Variants in COL5A1 observed in about 807,000 individuals in gnomAD.
The protein encoded by COL5A1 is collagen alpha-1(V) chain.
A neutral mutation model predicts 263.7 loss-of-function variants in COL5A1; 16 were observed. The ratio of observed to expected loss-of-function variants is 0.06; its 90% CI spans 0.04 to 0.09. COL5A1 has a LOEUF of 0.09. Ranked by LOEUF, COL5A1 falls within the 10% of genes least tolerant of loss-of-function variation. The pLI is 1.00. For missense variants in COL5A1, 2,036 were observed against 2,540.5 expected (o/e 0.80, Z 4.27); for synonymous variants, 1,012 against 1,004.5 (o/e 1.01, Z -0.14).
At position 134,741,690 on chromosome 9, in the gene COL5A1, A is replaced by G. The variant is rs963349627; in HGVS notation, c.1494+2882A>G. ...AAGAGAACTCTTCTTGCGTCCGTCG[A>G]TTCTTACTTGGCTTCAGCAGAAAAT... On this transcript the variant is annotated intron_variant, in intron 11 of 65. Coordinates refer to ENST00000371817, the MANE Select transcript of COL5A1 (RefSeq NM_000093.5). The surrounding 1 kb of genome is among the most constrained non-coding windows in gnomAD (Gnocchi z 4.5). Among the ~76,000 whole-genome samples, 5 of 152,054 alleles carry G rather than the reference A, an allele frequency of 3.3e-5. No individual in the cohort carries two copies.
At chr9:134,695,244 C>T (rs1215659310) in intron 2 of COL5A1, among the ~76,000 whole-genome samples, 1 of 152,204 alleles carries the variant, frequency 6.6e-6, no homozygotes, top group Non-Finnish European at 1.5e-5. Context: ...CACGGCTCTG[C>T]CCACACCCCC....
chr9:134,706,824 A>T (rs1833851208), intron 4 of COL5A1, among the ~76,000 whole-genome samples: 1 of 152,212 alleles, frequency 6.6e-6, no homozygotes. Flanking sequence ...GAAACTCTGG[A>T]ACCTTCCAGG....
At chr9:134,795,422 A>T (rs1837870220) in intron 34 of COL5A1, 107 bp downstream of exon 34, 2 of 997,308 alleles carry the variant, frequency 2.0e-6, no homozygotes, top group South Asian at 3.1e-5. Context: ...TAAAAAAAAA[A>T]AAAAAGGCAG....
chr9:134,788,662 TAGAC>T (rs1018805252), intron 31 of COL5A1, among the ~76,000 whole-genome samples: 23 of 150,230 alleles, frequency 1.5e-4, no homozygotes, highest in African/African-American at 3.2e-4. Context: ...GATAGATGGA[TAGAC>T]AGATAGATGG....
intron 18 of COL5A1, among the ~76,000 whole-genome samples, chr9:134,759,938 T>A (rs530300546): frequency 5.0e-5 from 3 of 60,478 alleles, no homozygotes; most frequent in African/African-American, 6.7e-5. Context: ...CACACACGCA[T>A]ACATACCCCC....
chr9:134,834,836 G>A, intron 64 of COL5A1, 135 bp from the exon 65 acceptor site: 1 of 693,412 alleles, frequency 1.4e-6, no homozygotes, highest in Non-Finnish European at 2.5e-6. Flanking sequence ...GGCCGGGTCT[G>A]TGGGTACAGT....
intron 4 of COL5A1, chr9:134,709,316 G>GT (rs1216662284): frequency 1.5e-5 from 4 of 271,440 alleles, no homozygotes; most frequent in African/African-American, 3.6e-5. Context: ...AGGAGGGGTG[G>GT]GGGGGCTACT....
In COL5A1 at chr9:134,830,120, C is replaced by T. The variant is rs763324642; in HGVS notation, c.5136+76C>T. 2.1e-5 allele frequency: 34 copies of T among 1,612,608 alleles called. No homozygotes were observed. The highest frequency in any genetic ancestry group is 5.0e-5 in the Admixed American group (3 of 59,812). ...TCGTATCTTACAGAGTAAAATGGCC[C>T]GCTGGCCCAAAGAGCAGCCTTCCAC... On this transcript the variant is annotated intron_variant, in intron 64 of 65. Transcript: ENST00000371817.
intron 1 of COL5A1, among the ~76,000 whole-genome samples, chr9:134,648,906 G>A (rs1831568405): frequency 6.6e-6 from 1 of 152,214 alleles, no homozygotes; most frequent in Non-Finnish European, 1.5e-5. Flanking sequence ...TCAGCCCGCA[G>A]AGTGGCCCTC....
chr9:134,685,634 C>CATCCATCA (rs1833041823), intron 1 of COL5A1, among the ~76,000 whole-genome samples: 1 of 10,722 alleles, frequency 9.3e-5, no homozygotes, highest in Non-Finnish European at 2.1e-4. Context: ...TCCATCCATC[C>CATCCATCA]ACCATCCATC....
At position 134,768,479 on chromosome 9, in the gene COL5A1, CACCTCATCCCTCCAT is replaced by C; in HGVS notation, c.2286+19_2286+33del. On this transcript the variant is annotated intron_variant, in intron 25 of 65. Transcript: ENST00000371817. ...CGGACCCCCGGTGAGTAGCCCTGCC[CACCTCATCCCTCCAT>C]ACTCTCCCCACCTCCACCCTGCGGA... 6.2e-7 allele frequency: 1 copy of C among 1,613,404 alleles called. No individual in the cohort carries two copies. The highest frequency in any genetic ancestry group is 8.5e-7 in the Non-Finnish European group (1 of 1,179,470).
At chr9:134,781,718 A>C (rs2132763757) in intron 28 of COL5A1, among the ~76,000 whole-genome samples, 1 of 152,196 alleles carries the variant, frequency 6.6e-6, no homozygotes, top group African/African-American at 2.4e-5. Context: ...GTCTTTGTGG[A>C]CTTCTGCATT....
chr9:134,685,510 C>G (rs200408399), intron 1 of COL5A1, among the ~76,000 whole-genome samples: 4 of 90,144 alleles, frequency 4.4e-5, no homozygotes, highest in Admixed American at 2.4e-4. Context: ...CCATCCATCA[C>G]CATCCATCCA....
chr9:134,715,519 G>A (rs867226032), intron 4 of COL5A1, among the ~76,000 whole-genome samples: 5 of 152,236 alleles, frequency 3.3e-5, no homozygotes, highest in Middle Eastern at 6.8e-3. Flanking sequence ...TTCCTATGAG[G>A]CCATATTTCA....
Position 134,842,396 on chromosome 9 carries a change from T to C in COL5A1, c.*93T>C, listed in dbSNP as rs1427318934. The C allele has an allele frequency of 4.8e-6, 7 of 1,456,628 alleles. No individual in the cohort carries two copies. The South Asian group carries it at 5.9e-5, about 12-fold the overall frequency. 90.2% of individuals were successfully genotyped at this position (1,456,628 alleles called of 1,614,324 possible). On this transcript the variant is annotated 3_prime_UTR_variant, in exon 66 of 66. Coordinates refer to ENST00000371817, the MANE Select transcript of COL5A1 (RefSeq NM_000093.5). This position sits in a 1 kb window ranked among gnomAD's most constrained non-coding sequence, Gnocchi z 5.8. ...CCGTGCACGTCCTGACCCTGGACAG[T>C]GAAGGCTTCTCCCTCCCCTCCCACC...
intron 4 of COL5A1, among the ~76,000 whole-genome samples, chr9:134,707,837 C>T (rs922656068): frequency 2.0e-5 from 3 of 152,202 alleles, no homozygotes; most frequent in Admixed American, 6.5e-5. Flanking sequence ...ACTGGGCAGC[C>T]GGGGAAGCCC....
chr9:134,822,660 A>T (rs1839055598), intron 59 of COL5A1, among the ~76,000 whole-genome samples: 1 of 149,622 alleles, frequency 6.7e-6, no homozygotes, highest in African/African-American at 2.5e-5. Context: ...GTGTGCTATC[A>T]GGGCTGGGGG....
intron 1 of COL5A1, among the ~76,000 whole-genome samples, chr9:134,651,550 G>A (rs971770893): frequency 1.3e-5 from 2 of 152,212 alleles, no homozygotes; most frequent in African/African-American, 4.8e-5. Context: ...CAGAGAGCAC[G>A]GTGGTCTCAG....
chr9:134,670,830 C>A (rs758426958), intron 1 of COL5A1, among the ~76,000 whole-genome samples: 2 of 152,216 alleles, frequency 1.3e-5, no homozygotes, highest in Non-Finnish European at 2.9e-5. Flanking sequence ...GTCCCCACTG[C>A]GGTGATGGAG....
Sources: allele counts gnomAD v4.1 joint callset (sites outside exome capture counted in the v4.1 genomes callset), GRCh38; gene constraint gnomAD v4.1.1; non-coding constraint Gnocchi (gnomAD v3.1); transcripts MANE v1.5; gene names NCBI Gene and HGNC (gene_info 2026-07-23, HGNC 2026-07-21).